Variants in SEMA3A observed in about 807,000 individuals in gnomAD.
SEMA3A encodes the protein semaphorin-3A.
A neutral mutation model predicts 97.9 loss-of-function variants in SEMA3A; 29 were observed. That is an observed-to-expected ratio of 0.30 (90% CI 0.22 to 0.40). The LOEUF is 0.40. Among genes scored for constraint, SEMA3A ranks in the 10% least tolerant of loss-of-function variants. The pLI, the probability that SEMA3A is intolerant of heterozygous loss-of-function variation, is 1.00. For synonymous variants in SEMA3A, 321 were observed against 323.7 expected (o/e 0.99, Z 0.09); for missense variants, 763 against 951.3 (o/e 0.80, Z 2.60).
At chr7:84,011,466 T>G (rs2116413551) in intron 7 of SEMA3A, among the ~76,000 whole-genome samples, 169 bp from the exon 8 acceptor site, 1 of 152,318 alleles carries the variant, frequency 6.6e-6, no homozygotes, top group African/African-American at 2.4e-5. Context: ...TATTGTTACA[T>G]TTGTGGTCGA....
intron 4 of SEMA3A, among the ~76,000 whole-genome samples, chr7:84,075,672 A>G (rs13231752): frequency 0.13 from 19,159 of 151,582 alleles, 1,273 homozygotes; most frequent in South Asian, 0.15. Flanking sequence ...GGCCAGGCTG[A>G]TCTCGAACTC....
In SEMA3A at chr7:84,005,561, A is replaced by T. The variant is rs762051457; in HGVS notation, c.1141-3T>A. On this transcript the variant is annotated splice_polypyrimidine_tract_variant and splice_region_variant and intron_variant, in intron 10 of 16. Transcript: ENST00000265362. ...CCACCAAATGTTTTGCTGGGACACTATTAAGATAAAGAGAAAATTATCTTT... is the reference window on the plus strand; with the variant it reads ...CCACCAAATGTTTTGCTGGGACACTTTTAAGATAAAGAGAAAATTATCTTT... The T allele has an allele frequency of 4.4e-6, 7 of 1,582,714 alleles. No homozygotes were observed. In the East Asian group the frequency reaches 1.6e-4, roughly 35 times the overall value.
chr7:84,445,224 GCTCA>G (rs2116350027), intron 1 of SEMA3A, among the ~76,000 whole-genome samples: 1 of 151,816 alleles, frequency 6.6e-6, no homozygotes, highest in South Asian at 2.1e-4. Context: ...GGGTGTGGTG[GCTCA>G]CTCCTGTAAT....
At chr7:84,427,649 C>CA (rs55872394) in intron 1 of SEMA3A, among the ~76,000 whole-genome samples, 41,188 of 72,890 alleles carry the variant, frequency 0.57, 12,819 homozygotes, top group South Asian at 0.64. Flanking sequence ...GATTCTGTCT[C>CA]AAAAAAAAAA....
At chr7:84,473,469 A>C (rs1806205800) in intron 1 of SEMA3A, among the ~76,000 whole-genome samples, 1 of 151,398 alleles carries the variant, frequency 6.6e-6, no homozygotes, top group African/African-American at 2.4e-5. Flanking sequence ...TTCTCGGCTC[A>C]TTGCAACTTC....
At chr7:84,154,703 A>C (rs1385823080) in intron 1 of SEMA3A, among the ~76,000 whole-genome samples, 4 of 150,548 alleles carry the variant, frequency 2.7e-5, no homozygotes, top group South Asian at 2.1e-4. Flanking sequence ...AAAAAAAAAA[A>C]CAAAAAAAAG....
intron 1 of SEMA3A, among the ~76,000 whole-genome samples, chr7:84,396,904 A>G (rs2116194871): frequency 6.6e-6 from 1 of 152,206 alleles, no homozygotes; most frequent in South Asian, 2.1e-4. Flanking sequence ...GAAAAATGGT[A>G]GATAATAAAC....
rs144014398 is a variant in SEMA3A, at chr7:84,091,242, G to A, written c.453+19228C>T. 7.8e-3 allele frequency among the ~76,000 whole-genome samples: 505 copies of A among 65,118 alleles called. 19 individuals carry two copies. Among genetic ancestry groups the A allele is most frequent in the Non-Finnish European group, 0.014 (362 of 25,716 alleles). The allele number at this position is 65,118 out of a possible 152,430, so 42.7% of individuals were successfully genotyped here. On this transcript the variant is annotated intron_variant, in intron 4 of 16. Transcript: ENST00000265362. ...GAAAAGAAAGAAAAGAAAGAAGGAA[G>A]GAAGGAAAGAACGAAGGAAAGAGAA...
At chr7:84,309,429 G>C (rs1300213157) in intron 2 of SEMA3A, among the ~76,000 whole-genome samples, 1 of 152,110 alleles carries the variant, frequency 6.6e-6, no homozygotes, top group Non-Finnish European at 1.5e-5. Context: ...AGGTCAGTGG[G>C]AGCAGAGAGA....
chr7:84,488,959 T>G (rs1212768365), intron 1 of SEMA3A: 1 of 152,134 alleles, frequency 6.6e-6, no homozygotes, highest in Non-Finnish European at 1.5e-5. Context: ...GTGGTTGGGG[T>G]AGCATCTTCC....
intron 3 of SEMA3A, among the ~76,000 whole-genome samples, chr7:84,235,163 A>C (rs2116365513): frequency 6.6e-6 from 1 of 152,184 alleles, no homozygotes; most frequent in South Asian, 2.1e-4. Flanking sequence ...ACAAATATGT[A>C]TTTTTTCAAT....
intron 2 of SEMA3A, among the ~76,000 whole-genome samples, chr7:84,356,116 G>T (rs987831177): frequency 1.3e-5 from 2 of 151,792 alleles, no homozygotes; most frequent in Non-Finnish European, 2.9e-5. Context: ...ACAGATATTT[G>T]AATATTAAAA....
At chr7:84,306,954 T>A (rs965428689) in intron 3 of SEMA3A, among the ~76,000 whole-genome samples, 10 of 152,042 alleles carry the variant, frequency 6.6e-5, no homozygotes, top group Admixed American at 4.6e-4. Context: ...TTTTTTTTTT[T>A]AAACCAAAAT....
At chr7:84,054,458 C>G (rs974555562) in intron 5 of SEMA3A, among the ~76,000 whole-genome samples, 2 of 151,604 alleles carry the variant, frequency 1.3e-5, no homozygotes, top group Non-Finnish European at 3.0e-5. Context: ...TTCATTTCAT[C>G]TTCCATCGCT....
intron 3 of SEMA3A, among the ~76,000 whole-genome samples, chr7:84,221,876 A>G (rs1251119908): frequency 6.6e-6 from 1 of 152,052 alleles, no homozygotes; most frequent in African/African-American, 2.4e-5. Context: ...AAGAGAGCAC[A>G]TGCTGTTGAA....
intron 6 of SEMA3A, among the ~76,000 whole-genome samples, chr7:84,044,267 G>A (rs1792260167): frequency 1.3e-5 from 2 of 151,780 alleles, no homozygotes; most frequent in African/African-American, 4.8e-5. Flanking sequence ...GGTTTTTGGA[G>A]TTCTGCACAT....
chr7:84,392,111 G>T (rs1349908724), intron 1 of SEMA3A, among the ~76,000 whole-genome samples: 1 of 152,072 alleles, frequency 6.6e-6, no homozygotes, highest in African/African-American at 2.4e-5. Context: ...GAGAACATTT[G>T]AAATTTACTC....
chr7:84,202,773 C>T (rs1376269860), intron 3 of SEMA3A, among the ~76,000 whole-genome samples: 1 of 152,146 alleles, frequency 6.6e-6, no homozygotes, highest in African/African-American at 2.4e-5. Flanking sequence ...CAAAACTAAT[C>T]ACAGGTTATT....
At chr7:84,301,119 T>C (rs1017384787) in intron 3 of SEMA3A, among the ~76,000 whole-genome samples, 4 of 152,036 alleles carry the variant, frequency 2.6e-5, no homozygotes, top group East Asian at 1.9e-4. Flanking sequence ...TTATAAACTT[T>C]GAAAACTACA....
Sources: allele counts gnomAD v4.1 joint callset (sites outside exome capture counted in the v4.1 genomes callset), GRCh38; gene constraint gnomAD v4.1.1; transcripts MANE v1.5; gene names NCBI Gene and HGNC (gene_info 2026-07-23, HGNC 2026-07-21).